KAZN: variants seen among roughly 807,000 people sequenced by gnomAD.
KAZN encodes kazrin, periplakin interacting protein, also known as kazrin.
In KAZN, 40 loss-of-function variants were observed where a neutral mutation model predicts 87.4. The ratio of observed to expected loss-of-function variants is 0.46; its 90% confidence interval spans 0.36 to 0.60. The LOEUF (loss-of-function observed/expected upper bound fraction) is 0.60. Ranked by LOEUF, KAZN falls within the 20% of genes least tolerant of loss-of-function variation. The pLI is 0.00. For synonymous variants in KAZN, 466 were observed against 458.3 expected, an observed-to-expected ratio of 1.02 and a Z score of -0.22; for missense variants, 898 against 1,073.9, an observed-to-expected ratio of 0.84 and a Z score of 2.29.
chr1:14,608,044 A>G (rs1677506517), intron 1 of KAZN, among the ~76,000 whole-genome samples: 1 of 152,256 alleles, frequency 6.6e-6, no homozygotes, highest in Non-Finnish European at 1.5e-5. Context: ...AGCTCTGGAA[A>G]GTAGTCCACT....
chr1:15,023,369 G>A (rs888240258), intron 2 of KAZN, among the ~76,000 whole-genome samples: 15 of 152,176 alleles, frequency 9.9e-5, no homozygotes, highest in African/African-American at 3.1e-4. Context: ...AGAGGTTGCC[G>A]AGAAAGGCAT....
chr1:14,104,621 C>T (rs2101653801), intron 1 of KAZN, among the ~76,000 whole-genome samples: 1 of 152,308 alleles, frequency 6.6e-6, no homozygotes, highest in Non-Finnish European at 1.5e-5. Flanking sequence ...CTAGCTGTCC[C>T]AGCTGCAAAT....
At chr1:14,876,100 T>C (rs1332953381) in intron 1 of KAZN, among the ~76,000 whole-genome samples, 1 of 152,238 alleles carries the variant, frequency 6.6e-6, no homozygotes, top group Non-Finnish European at 1.5e-5. Context: ...AGTGGGACTG[T>C]GATCTTAACA....
At chr1:15,006,491 G>A (rs571823604) in intron 2 of KAZN, among the ~76,000 whole-genome samples, 5 of 152,304 alleles carry the variant, frequency 3.3e-5, no homozygotes, top group South Asian at 2.1e-4. Flanking sequence ...TATCTTTCCC[G>A]TCATCATATT....
intron 2 of KAZN, among the ~76,000 whole-genome samples, chr1:14,983,003 C>T (rs879614817): frequency 1.3e-5 from 2 of 152,212 alleles, no homozygotes; most frequent in African/African-American, 2.4e-5. Flanking sequence ...CTGCCGGCCC[C>T]GCAGCAGACG....
At chr1:14,080,648 A>G (rs1472446961) in intron 1 of KAZN, among the ~76,000 whole-genome samples, 1 of 152,228 alleles carries the variant, frequency 6.6e-6, no homozygotes, top group African/African-American at 2.4e-5. Flanking sequence ...GTGCAGCATG[A>G]TGCATAACAT....
At chr1:14,508,979 C>T (rs148433158) in intron 2 of KAZN, among the ~76,000 whole-genome samples, 35 of 152,294 alleles carry the variant, frequency 2.3e-4, no homozygotes, top group African/African-American at 8.4e-4. Flanking sequence ...ACTGTGCAAA[C>T]AGAGCTAAGG....
At chr1:14,384,897 G>C (rs1571472635) in intron 2 of KAZN, among the ~76,000 whole-genome samples, 1 of 151,760 alleles carries the variant, frequency 6.6e-6, no homozygotes, top group Admixed American at 6.6e-5. Context: ...AATGGTACCA[G>C]TTCCTCCTTG....
At chr1:15,111,691 A>T (rs1396742424) in intron 13 of KAZN, 1 of 152,298 alleles carries the variant, frequency 6.6e-6, no homozygotes, top group African/African-American at 2.4e-5. Flanking sequence ...CTTTTTCTGT[A>T]TAAGGCCAGA....
intron 1 of KAZN, among the ~76,000 whole-genome samples, chr1:14,793,093 C>G (rs6669661): frequency 0.068 from 10,306 of 151,982 alleles, 461 homozygotes; most frequent in African/African-American, 0.12. Flanking sequence ...GCGGTGGAGG[C>G]CACTGATGGC....
chr1:14,075,572 C>A (rs1557454417), intron 1 of KAZN, among the ~76,000 whole-genome samples: 1 of 152,132 alleles, frequency 6.6e-6, no homozygotes, highest in Non-Finnish European at 1.5e-5. Context: ...TTAAAATAAA[C>A]TAATGTGGGC....
intron 2 of KAZN, among the ~76,000 whole-genome samples, chr1:14,444,306 A>ATTTTTTTTT (rs35461813): frequency 2.4e-4 from 23 of 95,232 alleles, no homozygotes; most frequent in African/African-American, 7.6e-4. Context: ...TAAATTCATG[A>ATTTTTTTTT]TTTTTTTTTT....
intron 1 of KAZN, among the ~76,000 whole-genome samples, chr1:14,801,570 G>T (rs778523207): frequency 8.5e-5 from 13 of 152,146 alleles, no homozygotes; most frequent in Non-Finnish European, 1.8e-4. Context: ...CGTTTACCAT[G>T]CCCTGGGCTT....
In KAZN at chr1:14,790,467, T is replaced by G. The variant is rs114326369; in HGVS notation, c.227-170217T>G. 5.3e-3 allele frequency among the ~76,000 whole-genome samples: 802 copies of G among 152,320 alleles called. 9 individuals carry two copies. The highest frequency in any genetic ancestry group is 0.018 in the African/African-American group (760 of 41,556). On this transcript the variant is annotated intron_variant, in intron 1 of 14. Coordinates refer to ENST00000376030, the MANE Select transcript of KAZN (RefSeq NM_201628.3). ...AATCCACATACCATAAAATTCACCATTTTAAGTGTACAATTCAGCGATTTT... is the reference window on the plus strand; with the variant it reads ...AATCCACATACCATAAAATTCACCAGTTTAAGTGTACAATTCAGCGATTTT...
chr1:14,629,006 C>A (rs1250836937), intron 1 of KAZN, among the ~76,000 whole-genome samples: 2 of 152,000 alleles, frequency 1.3e-5, no homozygotes, highest in East Asian at 3.9e-4. Flanking sequence ...GCCACCACAC[C>A]CAGCTAATTT....
rs528070001 is a variant in KAZN at position 14,736,254 on chromosome 1, G to GGTGTGTGTGT, written c.226+137068_226+137077dup. ...TGTTGGGGCTCATGTGGGACTCAAG[G>GGTGTGTGTGT]GTGTGTGTGTGTGTGTGTGTGTGTG... On this transcript the variant is annotated intron_variant, in intron 1 of 14. Coordinates refer to ENST00000376030, the MANE Select transcript of KAZN (RefSeq NM_201628.3). Among the ~76,000 whole-genome samples the GGTGTGTGTGT allele has an allele frequency of 6.7e-3, 771 of 115,256 alleles. 4 individuals carry two copies. Among genetic ancestry groups the GGTGTGTGTGT allele is most frequent in the South Asian group, 0.018 (56 of 3,106 alleles). 75.6% of individuals were successfully genotyped at this position (115,256 alleles called of 152,430 possible). A position where few individuals can be genotyped will look rare whatever the true frequency, so the allele number is the denominator to read the frequency against.
chr1:13,954,906 C>T (rs1641485637), intron 1 of KAZN, among the ~76,000 whole-genome samples: 1 of 152,168 alleles, frequency 6.6e-6, no homozygotes, highest in Non-Finnish European at 1.5e-5. Flanking sequence ...CATCTTCACC[C>T]TCTTTCCAAT....
chr1:14,890,509 CT>C (rs34732218), intron 1 of KAZN, among the ~76,000 whole-genome samples: 1 of 150,732 alleles, frequency 6.6e-6, no homozygotes, highest in Non-Finnish European at 1.5e-5. Context: ...AAATTTAAAT[CT>C]TTTTTTTTTC....
intron 1 of KAZN, among the ~76,000 whole-genome samples, chr1:14,903,864 C>G (rs1300765663): frequency 6.6e-6 from 1 of 152,204 alleles, no homozygotes; most frequent in Non-Finnish European, 1.5e-5. Flanking sequence ...GCTCACTTAA[C>G]CCTATAAGGG....
Sources: gnomAD v4.1 joint callset for allele counts (sites outside exome capture counted in the v4.1 genomes callset) on GRCh38, gnomAD v4.1.1 for gene constraint, MANE v1.5 for transcripts, NCBI Gene and HGNC (gene_info 2026-07-23, HGNC 2026-07-21) for gene names.